The following GTF2F2 variants were observed in gnomAD, a reference collection of about 807,000 sequenced individuals.
GTF2F2 encodes the protein general transcription factor IIF subunit 2.
Under a neutral mutation model 42.2 loss-of-function variants are expected in GTF2F2, and 23 were observed. The ratio of observed to expected loss-of-function variants is 0.55; its 90% CI spans 0.39 to 0.77. The LOEUF (loss-of-function observed/expected upper bound fraction) is 0.77. Among genes scored for constraint, GTF2F2 ranks in the 30% least tolerant of loss-of-function variants. The pLI is 0.00. For missense variants in GTF2F2, 261 were observed against 287.2 expected, an observed-to-expected ratio of 0.91 and a Z score of 0.66; for synonymous variants, 105 against 100.8, an observed-to-expected ratio of 1.04 and a Z score of -0.25.
intron 4 of GTF2F2, among the ~76,000 whole-genome samples, chr13:45,171,342 TACA>T (rs1871590366): frequency 6.6e-6 from 1 of 152,106 alleles, no homozygotes; most frequent in Admixed American, 6.6e-5. Flanking sequence ...GTGCTGGGAT[TACA>T]GTCATGAGCT....
At chr13:45,146,603 G>A (rs1222463901) in intron 2 of GTF2F2, among the ~76,000 whole-genome samples, 1 of 152,166 alleles carries the variant, frequency 6.6e-6, no homozygotes. Flanking sequence ...GAAAAGCCAG[G>A]CCCCATTGGT....
At chr13:45,227,441 A>G (rs1255186754) in intron 5 of GTF2F2, among the ~76,000 whole-genome samples, 1 of 152,230 alleles carries the variant, frequency 6.6e-6, no homozygotes, top group Non-Finnish European at 1.5e-5. Context: ...CAGTTTTTCT[A>G]AGAATAGCAA....
chr13:45,120,815 C>A, intron 1 of GTF2F2, 94 bp downstream of exon 1: 2 of 849,234 alleles, frequency 2.4e-6, no homozygotes, highest in South Asian at 3.0e-5. Flanking sequence ...TCTTAAAGTT[C>A]TTTTACGGCT....
chr13:45,187,837 T>G (rs1872488225), intron 4 of GTF2F2, among the ~76,000 whole-genome samples: 1 of 152,240 alleles, frequency 6.6e-6, no homozygotes, highest in Admixed American at 6.5e-5. Context: ...TGCATTGCTG[T>G]TTAAAATATT....
intron 4 of GTF2F2, among the ~76,000 whole-genome samples, chr13:45,187,825 C>T (rs1430131330): frequency 6.6e-6 from 1 of 152,198 alleles, no homozygotes; most frequent in Admixed American, 6.5e-5. Flanking sequence ...CCTTGACTAA[C>T]ATGCATTGCT....
intron 6 of GTF2F2, among the ~76,000 whole-genome samples, chr13:45,256,593 A>G (rs776291337): frequency 1.3e-5 from 2 of 152,134 alleles, no homozygotes; most frequent in Non-Finnish European, 2.9e-5. Context: ...TTTAATCATT[A>G]TTTCTTTTGG....
intron 4 of GTF2F2, among the ~76,000 whole-genome samples, chr13:45,170,656 C>T (rs1022181874): frequency 5.9e-5 from 9 of 152,080 alleles, no homozygotes; most frequent in Middle Eastern, 3.4e-3. Flanking sequence ...AGTAGTTATT[C>T]CTGAAAGCTG....
At chr13:45,201,646 A>G (rs1290753216) in intron 4 of GTF2F2, among the ~76,000 whole-genome samples, 1 of 152,144 alleles carries the variant, frequency 6.6e-6, no homozygotes, top group Non-Finnish European at 1.5e-5. Context: ...TTCTGATTTT[A>G]GGTGGTGGGA....
At chr13:45,272,830 C>T (rs1322150463) in intron 7 of GTF2F2, among the ~76,000 whole-genome samples, 8 of 150,592 alleles carry the variant, frequency 5.3e-5, no homozygotes, top group African/African-American at 1.2e-4. Flanking sequence ...GATCATAGCT[C>T]GCTGTCACTT....
At chr13:45,224,607 G>A (rs987365662) in intron 5 of GTF2F2, among the ~76,000 whole-genome samples, 5 of 152,134 alleles carry the variant, frequency 3.3e-5, no homozygotes, top group Non-Finnish European at 7.4e-5. Context: ...GGGTCACTTG[G>A]TCTTTGTTGT....
At chr13:45,186,448 C>T (rs1330889532) in intron 4 of GTF2F2, among the ~76,000 whole-genome samples, 3 of 151,712 alleles carry the variant, frequency 2.0e-5, no homozygotes, top group African/African-American at 4.8e-5. Context: ...TCCACCACCA[C>T]ACCCTGCTAA....
chr13:45,201,411 C>G (rs943081569), intron 4 of GTF2F2, among the ~76,000 whole-genome samples: 2 of 151,794 alleles, frequency 1.3e-5, no homozygotes, highest in African/African-American at 4.8e-5. Context: ...TAAAACATCC[C>G]CAGTTGGAGA....
intron 7 of GTF2F2, among the ~76,000 whole-genome samples, chr13:45,273,783 T>C (rs1229295379): frequency 1.3e-5 from 2 of 151,080 alleles, no homozygotes; most frequent in Non-Finnish European, 2.9e-5. Flanking sequence ...GCCTCCTGAG[T>C]AGCTGGGATT....
intron 4 of GTF2F2, among the ~76,000 whole-genome samples, chr13:45,205,661 A>G (rs536770260): frequency 3.9e-5 from 6 of 152,230 alleles, no homozygotes; most frequent in East Asian, 3.9e-4. Flanking sequence ...CTGGGACCAC[A>G]GGTGTGTGCC....
intron 7 of GTF2F2, among the ~76,000 whole-genome samples, chr13:45,274,553 T>C (rs1876944720): frequency 6.6e-6 from 1 of 152,038 alleles, no homozygotes; most frequent in Non-Finnish European, 1.5e-5. Flanking sequence ...ATTATCTCAA[T>C]CTCCTGACCT....
chr13:45,161,476 C>A (rs1871031366), intron 4 of GTF2F2, among the ~76,000 whole-genome samples: 1 of 152,180 alleles, frequency 6.6e-6, no homozygotes, highest in Non-Finnish European at 1.5e-5. Context: ...CACTCCTCCC[C>A]CCAGTGCTTC....
intron 2 of GTF2F2, among the ~76,000 whole-genome samples, chr13:45,148,668 T>C (rs942209837): frequency 9.8e-5 from 15 of 152,324 alleles, no homozygotes; most frequent in Non-Finnish European, 1.3e-4. Context: ...TTATAGTTTA[T>C]GGATGTACCT....
At chr13:45,146,265 G>C (rs769951476) in intron 2 of GTF2F2, among the ~76,000 whole-genome samples, 19 of 152,114 alleles carry the variant, frequency 1.2e-4, no homozygotes, top group Non-Finnish European at 1.9e-4. Flanking sequence ...CGAGGCCAAG[G>C]CAGGAGGATC....
At chr13:45,157,480 G>A (rs1249044180) in intron 4 of GTF2F2, among the ~76,000 whole-genome samples, 3 of 152,120 alleles carry the variant, frequency 2.0e-5, no homozygotes, top group Non-Finnish European at 4.4e-5. Flanking sequence ...CCATGGAGTC[G>A]GGGCAGGGCT....
Sources: allele counts gnomAD v4.1 joint callset (sites outside exome capture counted in the v4.1 genomes callset), GRCh38; gene constraint gnomAD v4.1.1; transcripts MANE v1.5; gene names NCBI Gene and HGNC (gene_info 2026-07-23, HGNC 2026-07-21).